Variants in TRIM37 observed in about 807,000 individuals in gnomAD.
TRIM37 encodes tripartite motif containing 37.
TRIM37 carries 80 observed loss-of-function variants against 129.8 expected under a neutral mutation model. The ratio of observed to expected loss-of-function variants is 0.62; its 90% CI spans 0.51 to 0.74. The LOEUF (loss-of-function observed/expected upper bound fraction) is 0.74, where lower values mean the gene tolerates loss of function less well. Among genes scored for constraint, TRIM37 ranks in the 30% least tolerant of loss-of-function variants. The pLI, the probability that TRIM37 is intolerant of heterozygous loss-of-function variation, is 0.00. For missense variants in TRIM37, 1,054 were observed against 1,176.5 expected, an observed-to-expected ratio of 0.90 and a Z score of 1.52; for synonymous variants, 389 against 387.1, an observed-to-expected ratio of 1.00 and a Z score of -0.06.
intron 9 of TRIM37, among the ~76,000 whole-genome samples, chr17:59,065,478 ATCT>A (rs756257076): frequency 7.9e-5 from 12 of 152,326 alleles, no homozygotes; most frequent in Non-Finnish European, 1.5e-4. Flanking sequence ...GTCCCATCCA[ATCT>A]TCTTCAGAGA....
In TRIM37 at chr17:59,077,868, T is replaced by TA. The variant is rs74589782; in HGVS notation, c.616+1885dup. On this transcript the variant is annotated intron_variant, in intron 7 of 23. Coordinates refer to ENST00000262294, the MANE Select transcript of TRIM37 (RefSeq NM_015294.6). ...GTCAGGTGTGGTGGCTCACGCCTGT[T>TA]ATCCCAGCACTTCGGGAGGCGGAGG... 1.3e-3 allele frequency among the ~76,000 whole-genome samples: 193 copies of TA among 148,186 alleles called. 2 individuals carry two copies. The highest frequency in any genetic ancestry group is 0.011 in the East Asian group (57 of 5,022).
intron 16 of TRIM37, among the ~76,000 whole-genome samples, chr17:59,047,026 C>A (rs368246805): frequency 6.6e-6 from 1 of 151,498 alleles, no homozygotes; most frequent in Admixed American, 6.6e-5. Context: ...AGGTGGCGGG[C>A]GCCTGTAGTT....
At position 59,015,756 on chromosome 17, in the gene TRIM37, G is replaced by A. The variant is rs147639509; in HGVS notation, c.2430C>T (p.Pro810=). The A allele has an allele frequency of 7.7e-4, 1,250 of 1,613,754 alleles. 1 individual carries two copies. The highest frequency in any genetic ancestry group is 1.0e-3 in the Non-Finnish European group (1,188 of 1,180,016). The change falls in exon 21 of 24, where the codon CCC becomes CCT. Residue 810 remains proline (P), a synonymous_variant. Coordinates refer to ENST00000262294, the MANE Select transcript of TRIM37 (RefSeq NM_015294.6). The part of the protein sequence containing the change: ...SSQSGSRHSS[P]RALIHGSIGD... ...CGATACTGCCATGTATCAAGGCTCGGGGAGAACTGTGCCTGCTCCCAGACT... is the reference window on the plus strand; with the variant it reads ...CGATACTGCCATGTATCAAGGCTCGAGGAGAACTGTGCCTGCTCCCAGACT...
chr17:59,013,258 C>T (rs1480597050), intron 21 of TRIM37, among the ~76,000 whole-genome samples: 1 of 152,138 alleles, frequency 6.6e-6, no homozygotes, highest in African/African-American at 2.4e-5. Context: ...ATTCTCCTGC[C>T]TCAGCCTCCC....
At chr17:58,984,665 T>C (rs144066773) in intron 24 of TRIM37, 47 of 152,766 alleles carry the variant, frequency 3.1e-4, no homozygotes, top group Non-Finnish European at 6.2e-4. Context: ...ATAGCTTAAA[T>C]GTCTCTTGCA....
intron 2 of TRIM37, among the ~76,000 whole-genome samples, chr17:59,103,148 C>T (rs764500059): frequency 2.2e-4 from 33 of 152,100 alleles, no homozygotes; most frequent in Admixed American, 2.1e-3. Context: ...GCCGGGATTA[C>T]AGGCGTGAGC....
intron 5 of TRIM37, among the ~76,000 whole-genome samples, chr17:59,081,964 A>AAAAAAAAAAAAATAAT (rs1568200247): frequency 2.3e-5 from 2 of 87,226 alleles, no homozygotes; most frequent in Non-Finnish European, 2.2e-5. Context: ...AAAAAAAAAA[A>AAAAAAAAAAAAATAAT]AATAATAATA....
intron 22 of TRIM37, among the ~76,000 whole-genome samples, chr17:59,009,719 T>G (rs993411503): frequency 6.6e-6 from 1 of 152,218 alleles, no homozygotes; most frequent in African/African-American, 2.4e-5. Context: ...GTGTTGGGAC[T>G]ACAGGCATGA....
intron 4 of TRIM37, among the ~76,000 whole-genome samples, chr17:59,086,261 G>A (rs540996270): frequency 4.8e-5 from 7 of 145,586 alleles, no homozygotes; most frequent in Admixed American, 6.8e-5. Flanking sequence ...TTTTTGAGAC[G>A]GAGTCTAGCT....
chr17:58,990,307 A>G (rs1202521447), intron 24 of TRIM37, among the ~76,000 whole-genome samples: 1 of 151,452 alleles, frequency 6.6e-6, no homozygotes, highest in Non-Finnish European at 1.5e-5. Context: ...CCTGGAAAAC[A>G]TGGAGAAACC....
intron 17 of TRIM37, among the ~76,000 whole-genome samples, chr17:59,039,947 G>T (rs569530888): frequency 6.6e-6 from 1 of 151,936 alleles, no homozygotes; most frequent in South Asian, 2.1e-4. Context: ...GCCCAGGCTG[G>T]AGTACAGTGG....
intron 10 of TRIM37, chr17:59,064,078 T>TGA: frequency 3.1e-6 from 1 of 320,046 alleles, no homozygotes; most frequent in Non-Finnish European, 5.8e-6. Flanking sequence ...CAGTGAGCAA[T>TGA]GATCACGCCA....
chr17:59,019,762 G>C (rs758675149), intron 19 of TRIM37, among the ~76,000 whole-genome samples: 1 of 152,022 alleles, frequency 6.6e-6, no homozygotes, highest in Non-Finnish European at 1.5e-5. Flanking sequence ...TAGATTAGTG[G>C]TTACCAGAAG....
At chr17:59,098,777 A>T (rs941079593) in intron 2 of TRIM37, among the ~76,000 whole-genome samples, 6 of 152,308 alleles carry the variant, frequency 3.9e-5, no homozygotes, top group African/African-American at 1.2e-4. Flanking sequence ...CTAGATATAT[A>T]TTCAAAAGAA....
intron 17 of TRIM37, among the ~76,000 whole-genome samples, chr17:59,041,099 G>A (rs918373694): frequency 2.6e-5 from 4 of 151,846 alleles, no homozygotes; most frequent in South Asian, 2.1e-4. Flanking sequence ...GGAGAACATG[G>A]GTAAAACAGA....
intron 23 of TRIM37, among the ~76,000 whole-genome samples, chr17:58,999,837 C>T (rs760549749): frequency 3.3e-5 from 5 of 152,194 alleles, no homozygotes; most frequent in East Asian, 1.9e-4. Context: ...AATTAAACTA[C>T]GCATTCAAGT....
chr17:59,086,926 CA>C (rs1204214506), intron 4 of TRIM37, among the ~76,000 whole-genome samples: 2 of 152,264 alleles, frequency 1.3e-5, no homozygotes, highest in East Asian at 3.9e-4. Context: ...AAGGTCTTTC[CA>C]AACAGTAATA....
chr17:59,073,829 C>T (rs1188584050), intron 8 of TRIM37, among the ~76,000 whole-genome samples: 2 of 152,246 alleles, frequency 1.3e-5, no homozygotes, highest in Admixed American at 6.5e-5. Context: ...ATATCACCAC[C>T]TTCCACCTCC....
intron 24 of TRIM37, among the ~76,000 whole-genome samples, chr17:58,990,695 G>A (rs1210913381): frequency 6.7e-6 from 1 of 149,926 alleles, no homozygotes; most frequent in Non-Finnish European, 1.5e-5. Flanking sequence ...GGAGGGTGAG[G>A]CAGGAGAATC....
Sources: allele counts gnomAD v4.1 joint callset (sites outside exome capture counted in the v4.1 genomes callset), GRCh38; gene constraint gnomAD v4.1.1; transcripts MANE v1.5; gene names NCBI Gene and HGNC (gene_info 2026-07-23, HGNC 2026-07-21).